TERF1: variants seen among roughly 807,000 people sequenced by gnomAD.
The protein encoded by TERF1 is telomeric repeat binding factor 1, also known as telomeric repeat-binding factor 1.
A neutral mutation model predicts 55.1 loss-of-function variants in TERF1; 20 were observed. That is an observed-to-expected ratio of 0.36 (90% CI 0.26 to 0.53). The LOEUF (loss-of-function observed/expected upper bound fraction) is 0.53. Among genes scored for constraint, TERF1 ranks in the 20% least tolerant of loss-of-function variants. The pLI is 0.91. For missense variants in TERF1, 439 were observed against 535.7 expected, an observed-to-expected ratio of 0.82 and a Z score of 1.78; for synonymous variants, 168 against 181.2, an observed-to-expected ratio of 0.93 and a Z score of 0.59.
chr8:73,037,689 T>G (rs868579684), intron 8 of TERF1, among the ~76,000 whole-genome samples: 1 of 48,986 alleles, frequency 2.0e-5, no homozygotes, highest in African/African-American at 8.9e-5. Context: ...ATAATATATA[T>G]TATATAGTAT....
chr8:73,037,437 ATATATAT>A (rs1448204253), intron 8 of TERF1, among the ~76,000 whole-genome samples: 2 of 132,024 alleles, frequency 1.5e-5, no homozygotes, highest in Non-Finnish European at 1.6e-5. Flanking sequence ...ATAATATATA[ATATATAT>A]TATATATGTT....
intron 6 of TERF1, 50 bp downstream of exon 6, chr8:73,027,102 C>T: frequency 1.5e-6 from 2 of 1,313,738 alleles, no homozygotes; most frequent in Non-Finnish European, 2.1e-6. Flanking sequence ...AATGTTCTGT[C>T]TTTATGTAAA....
intron 9 of TERF1, chr8:73,043,193 C>T (rs1445734719): frequency 1.3e-5 from 2 of 152,148 alleles, no homozygotes; most frequent in African/African-American, 4.8e-5. Context: ...TACAGCTTTC[C>T]TTACTTGCCA....
At chr8:73,026,819 C>T in intron 5 of TERF1, 121 bp from the exon 6 acceptor site, 1 of 740,912 alleles carries the variant, frequency 1.3e-6, no homozygotes, top group Non-Finnish European at 2.3e-6. Context: ...CTTCATTGGC[C>T]TGTGAACAGA....
At chr8:73,044,735 A>G (rs1809967682) in intron 9 of TERF1, among the ~76,000 whole-genome samples, 1 of 152,074 alleles carries the variant, frequency 6.6e-6, no homozygotes, top group African/African-American at 2.4e-5. Context: ...TGCCACCATC[A>G]TTCTACTTTC....
intron 8 of TERF1, among the ~76,000 whole-genome samples, chr8:73,038,035 AGTAG>A (rs555372186): frequency 6.8e-6 from 1 of 147,424 alleles, no homozygotes; most frequent in African/African-American, 2.5e-5. Context: ...GAAGGCCAGC[AGTAG>A]GTAGGTAGGT....
At chr8:73,040,602 T>G (rs1242677688) in intron 9 of TERF1, among the ~76,000 whole-genome samples, 1 of 152,194 alleles carries the variant, frequency 6.6e-6, no homozygotes, top group African/African-American at 2.4e-5. Context: ...TTTATCCTGC[T>G]TGGTATTTTC....
chr8:73,046,808 T>G lies in TERF1; in HGVS notation c.*671T>G, dbSNP rs1324955902. On this transcript the variant is annotated 3_prime_UTR_variant, in exon 10 of 10. Transcript: ENST00000276603. ...TGCGTCCTGCCTAAAATGAATTTTC[T>G]AGATGATTGAATAACAGTAGTCCTT... 2 of 152,178 alleles carry G rather than the reference T, an allele frequency of 1.3e-5. No individual in the cohort carries two copies. Among genetic ancestry groups the G allele is most frequent in the Non-Finnish European group, 2.9e-5 (2 of 68,032 alleles). 9.4% of individuals were successfully genotyped at this position (152,178 alleles called of 1,614,324 possible).
chr8:73,037,947 A>G (rs982679183), intron 8 of TERF1, among the ~76,000 whole-genome samples: 1 of 131,642 alleles, frequency 7.6e-6, no homozygotes, highest in African/African-American at 2.9e-5. Flanking sequence ...TATATATATA[A>G]AACATATATA....
At chr8:73,029,610 A>T (rs111758891) in intron 6 of TERF1, among the ~76,000 whole-genome samples, 6 of 152,124 alleles carry the variant, frequency 3.9e-5, no homozygotes, top group Non-Finnish European at 8.8e-5. Flanking sequence ...CTGTCAAAAA[A>T]AAAAAGGGGG....
intron 4 of TERF1, among the ~76,000 whole-genome samples, chr8:73,022,729 T>C (rs543269259): frequency 5.9e-5 from 9 of 152,014 alleles, no homozygotes; most frequent in Non-Finnish European, 1.3e-4. Flanking sequence ...GGAGGATCAT[T>C]TGAGGTCAGT....
intron 3 of TERF1, 80 bp from the exon 4 acceptor site, chr8:73,022,136 T>A (rs994761336): frequency 1.2e-6 from 1 of 810,910 alleles, no homozygotes; most frequent in Admixed American, 2.9e-5. Flanking sequence ...GATTTCAGAC[T>A]TACCTGAGTT....
At chr8:73,045,919 A>G (rs1810011109) in intron 9 of TERF1, 42 bp from the exon 10 acceptor site, 4 of 1,420,082 alleles carry the variant, frequency 2.8e-6, no homozygotes, top group Non-Finnish European at 3.7e-6. Context: ...TTCTTTTTGA[A>G]TAATTGTTTC....
At chr8:73,015,351 C>T (rs1808459065) in intron 2 of TERF1, among the ~76,000 whole-genome samples, 1 of 144,722 alleles carries the variant, frequency 6.9e-6, no homozygotes, top group South Asian at 2.2e-4. Context: ...TATAGTGGCA[C>T]TGCCTAATAG....
At chr8:73,031,235 C>T (rs1449287515) in intron 7 of TERF1, 1 of 152,102 alleles carries the variant, frequency 6.6e-6, no homozygotes, top group Non-Finnish European at 1.5e-5. Context: ...CTTGAGAAGG[C>T]TACCAAGGAG....
chr8:73,044,865 T>C (rs1586074370), intron 9 of TERF1, among the ~76,000 whole-genome samples: 1 of 152,186 alleles, frequency 6.6e-6, no homozygotes, highest in East Asian at 1.9e-4. Context: ...CAGAACTTCC[T>C]TTTTAAGGCT....
At chr8:73,039,346 T>C (rs748483465) in intron 9 of TERF1, 127 bp downstream of exon 9, 36 of 618,976 alleles carry the variant, frequency 5.8e-5, no homozygotes, top group Non-Finnish European at 8.2e-5. Context: ...TGCCATCTTT[T>C]ATTTTGCCGT....
intron 9 of TERF1, among the ~76,000 whole-genome samples, chr8:73,045,013 C>T (rs1809976534): frequency 6.6e-6 from 1 of 152,152 alleles, no homozygotes; most frequent in Non-Finnish European, 1.5e-5. Context: ...CTTCAGGTCC[C>T]TGCTCTCGAC....
At chr8:73,022,184 G>A (rs375336420) in intron 3 of TERF1, 32 bp from the exon 4 acceptor site, 21 of 1,341,938 alleles carry the variant, frequency 1.6e-5, no homozygotes, top group African/African-American at 3.0e-5. Flanking sequence ...ATTTATAAAC[G>A]CAGTCTAAGG....
Sources: gnomAD v4.1 joint callset for allele counts (sites outside exome capture counted in the v4.1 genomes callset) on GRCh38, gnomAD v4.1.1 for gene constraint, MANE v1.5 for transcripts, NCBI Gene and HGNC (gene_info 2026-07-23, HGNC 2026-07-21) for gene names.